Variants in ETFBKMT observed in about 807,000 individuals in gnomAD.
ETFBKMT encodes the protein electron transfer flavoprotein beta subunit lysine methyltransferase.
In ETFBKMT, 13 loss-of-function variants were observed where a neutral mutation model predicts 18.3. The observed-to-expected ratio is 0.71, with a 90% CI of 0.46 to 1.13. The LOEUF (loss-of-function observed/expected upper bound fraction) is 1.13. Ranked by LOEUF, ETFBKMT falls within the 50% of genes most tolerant of loss-of-function variation. ETFBKMT has a pLI of 0.00. For synonymous variants in ETFBKMT, 84 were observed against 107.9 expected, an observed-to-expected ratio of 0.78 and a Z score of 1.37; for missense variants, 293 against 306.2, an observed-to-expected ratio of 0.96 and a Z score of 0.32.
upstream of ETFBKMT, among the ~76,000 whole-genome samples, chr12:31,654,882 G>A (rs918199386): frequency 2.0e-5 from 3 of 151,730 alleles, no homozygotes; most frequent in Non-Finnish European, 4.4e-5. Context: ...ATGGTGAAAC[G>A]CTGTCTCTAC....
At chr12:31,661,725 C>G (rs1354362177) in intron 1 of ETFBKMT, 116 bp from the exon 2 acceptor site, 1 of 457,274 alleles carries the variant, frequency 2.2e-6, no homozygotes, top group African/African-American at 2.0e-5. Context: ...TCCCAAAGTG[C>G]AGGGATTACA....
At chr12:31,652,634 C>T (rs185720932) in intron 1 of ETFBKMT, among the ~76,000 whole-genome samples, 21 of 152,152 alleles carry the variant, frequency 1.4e-4, no homozygotes, top group Non-Finnish European at 1.5e-5. Context: ...TTAGACGATC[C>T]CAAGGGAGTA....
At chr12:31,662,351 T>C in intron 2 of ETFBKMT, 84 bp downstream of exon 2, 2 of 1,323,002 alleles carry the variant, frequency 1.5e-6, no homozygotes, top group South Asian at 2.7e-5. Flanking sequence ...ACCAGAGCAA[T>C]GCTAGGCGTG....
chr12:31,652,497 T>C (rs1327132453), intron 1 of ETFBKMT, among the ~76,000 whole-genome samples: 1 of 152,248 alleles, frequency 6.6e-6, no homozygotes, highest in African/African-American at 2.4e-5. Flanking sequence ...CTTTCTGTTC[T>C]GGCCATTTTC....
In ETFBKMT at chr12:31,668,786, C is replaced by T. The variant is rs1016976409; in HGVS notation, c.*796C>T. 1 of 152,240 alleles carries T rather than the reference C, an allele frequency of 6.6e-6. No individual in the cohort carries two copies. Among genetic ancestry groups the T allele is most frequent in the Non-Finnish European group, 1.5e-5 (1 of 68,062 alleles). 9.4% of individuals were successfully genotyped at this position (152,240 alleles called of 1,614,324 possible). A position where few individuals can be genotyped will look rare whatever the true frequency, so the allele number is the denominator to read the frequency against. The stretch of plus-strand genomic sequence containing the variant: ...AGGATTACAGGTGTGAGCCACCACG[C>T]CAGCCTGACGATGTTTTTTACTTCT... On this transcript the variant is annotated 3_prime_UTR_variant, in exon 4 of 4. Coordinates refer to ENST00000357721, the MANE Select transcript of ETFBKMT (RefSeq NM_001135863.2).
chr12:31,664,874 A>G (rs1951173780), intron 2 of ETFBKMT, among the ~76,000 whole-genome samples: 1 of 150,416 alleles, frequency 6.6e-6, no homozygotes. Context: ...CTTGCCTCCT[A>G]AAGTGCTGGG....
At chr12:31,658,645 G>A (rs1420819521), upstream of ETFBKMT, among the ~76,000 whole-genome samples, 1 of 152,138 alleles carries the variant, frequency 6.6e-6, no homozygotes, top group Non-Finnish European at 1.5e-5. Flanking sequence ...GCAGAAACAC[G>A]ATTTTCCTGT....
rs187315527 is a variant in ETFBKMT at position 31,668,050 on chromosome 12, T to C, written c.*60T>C. On this transcript the variant is annotated 3_prime_UTR_variant, in exon 4 of 4. Coordinates refer to ENST00000357721, the MANE Select transcript of ETFBKMT (RefSeq NM_001135863.2). ...TGTTTGGATCTGACTCTAAAAGTTTTCTCTATAGGAGATACTCTCCAGTTT... is the reference window on the plus strand; with the variant it reads ...TGTTTGGATCTGACTCTAAAAGTTTCCTCTATAGGAGATACTCTCCAGTTT... 10 of 1,348,828 alleles carry C rather than the reference T, an allele frequency of 7.4e-6. No homozygotes were observed. The East Asian group carries it at 1.8e-4, about 25-fold the overall frequency. 83.6% of individuals were successfully genotyped at this position (1,348,828 alleles called of 1,614,324 possible). A position where few individuals can be genotyped will look rare whatever the true frequency, so the allele number is the denominator to read the frequency against.
intron 2 of ETFBKMT, 151 bp from the exon 3 acceptor site, chr12:31,665,936 G>A (rs1951188414): frequency 5.2e-6 from 3 of 575,906 alleles, no homozygotes; most frequent in Admixed American, 6.3e-5. Context: ...TCCAGCGTGG[G>A]TGTTATGGCC....
At chr12:31,650,627 C>CTTTTTTTTTTTTTTT (rs57675973) in intron 1 of ETFBKMT, among the ~76,000 whole-genome samples, 6 of 138,234 alleles carry the variant, frequency 4.3e-5, no homozygotes, top group Admixed American at 1.5e-4. Flanking sequence ...ATGACCTGAC[C>CTTTTTTTTTTTTTTT]TTTTTTTTTT....
At position 31,662,042 on chromosome 12, in the gene ETFBKMT, C is replaced by T; in HGVS notation, c.89C>T (p.Pro30Leu). 1 of 1,614,218 alleles carries T rather than the reference C, an allele frequency of 6.2e-7. No homozygotes were observed. Among genetic ancestry groups the T allele is most frequent in the Non-Finnish European group, 8.5e-7 (1 of 1,180,044 alleles). Residue 30 changes from proline to leucine, a missense_variant, in exon 2 of 4, where the codon CCC becomes CTC. Pro to Leu is a moderately conservative substitution (Grantham distance 98). Transcript: ENST00000357721. ...ALRSSGLLLFPCGQCPWRGAG... is the reference protein window; with the variant it reads ...ALRSSGLLLFLCGQCPWRGAG... ...CGAAGCAGTGGTCTTCTCTTGTTTC[C>T]CTGTGGCCAGTGTCCCTGGAGAGGA...
chr12:31,649,811 C>T (rs1290341868), intron 1 of ETFBKMT, among the ~76,000 whole-genome samples: 1 of 147,154 alleles, frequency 6.8e-6, no homozygotes, highest in Non-Finnish European at 1.5e-5. Context: ...TAGCGAAGTA[C>T]AATGGCATGA....
chr12:31,655,931 T>C (rs988032181), upstream of ETFBKMT, among the ~76,000 whole-genome samples: 1 of 152,222 alleles, frequency 6.6e-6, no homozygotes. Flanking sequence ...CATTAGACTG[T>C]ACTCTGTAAA....
chr12:31,655,231 C>T (rs1951051715), upstream of ETFBKMT, among the ~76,000 whole-genome samples: 2 of 152,132 alleles, frequency 1.3e-5, no homozygotes, highest in Non-Finnish European at 2.9e-5. Context: ...AACCCCCAAA[C>T]TCATTATGCC....
At chr12:31,663,193 C>T (rs965772173) in intron 2 of ETFBKMT, among the ~76,000 whole-genome samples, 34 of 151,942 alleles carry the variant, frequency 2.2e-4, no homozygotes, top group South Asian at 6.2e-4. Context: ...CCCGGGTTCA[C>T]GCCATTCTCC....
In ETFBKMT at chr12:31,650,107, C is replaced by A. The variant is rs552614897; in HGVS notation, c.-114+2852C>A. Among the ~76,000 whole-genome samples the A allele has an allele frequency of 1.3e-4, 15 of 115,222 alleles. No homozygotes were observed. In the South Asian group the frequency reaches 4.1e-3, roughly 31 times the overall value. The allele number at this position is 115,222 out of a possible 152,430, so 75.6% of individuals were successfully genotyped here. On this transcript the variant is annotated intron_variant, in intron 1 of 3. Coordinates refer to the ETFBKMT transcript ENST00000412352. ...TCCATCTCGAATAGGGGCTGGTTAA[C>A]CTGAGGCTGAAACCTGCTGGGCTAC...
chr12:31,659,986 T>TAAAAAAAA (rs10567575), intron 1 of ETFBKMT, 197 bp downstream of exon 1: 1 of 101,304 alleles, frequency 9.9e-6, no homozygotes, highest in African/African-American at 3.9e-5. Flanking sequence ...TCGTCTCTAC[T>TAAAAAAAA]AAAAAAAAAA....
chr12:31,649,268 C>A (rs1198679280), intron 1 of ETFBKMT, among the ~76,000 whole-genome samples: 1 of 152,296 alleles, frequency 6.6e-6, no homozygotes, highest in East Asian at 1.9e-4. Flanking sequence ...TTTCAATCTG[C>A]GGTTGGTTGA....
Position 31,672,171 on chromosome 12 carries a change from A to G in ETFBKMT, c.*4181A>G, listed in dbSNP as rs1951286600. 1.5e-6 allele frequency: 1 copy of G among 653,172 alleles called. No individual in the cohort carries two copies. The highest frequency in any genetic ancestry group is 2.8e-5 in the Admixed American group (1 of 36,050). 40.5% of individuals were successfully genotyped at this position (653,172 alleles called of 1,614,324 possible). A position where few individuals can be genotyped will look rare whatever the true frequency, so the allele number is the denominator to read the frequency against. On this transcript the variant is annotated 3_prime_UTR_variant, in exon 4 of 4. Transcript: ENST00000357721. ...ATACCAAGACTTAGCTAATTCTCTGAGAGTTATAACTTAAGACAATAAAAT... is the reference window on the plus strand; with the variant it reads ...ATACCAAGACTTAGCTAATTCTCTGGGAGTTATAACTTAAGACAATAAAAT...
Sources: gnomAD v4.1 joint callset for allele counts (sites outside exome capture counted in the v4.1 genomes callset) on GRCh38, gnomAD v4.1.1 for gene constraint, MANE v1.5 for transcripts, NCBI Gene and HGNC (gene_info 2026-07-23, HGNC 2026-07-21) for gene names.